Variants in MEF2A observed in about 807,000 individuals in gnomAD.
MEF2A encodes the protein myocyte enhancer factor 2A.
MEF2A carries 28 observed loss-of-function variants against 55.8 expected under a neutral mutation model. That is an observed-to-expected ratio of 0.50 (90% confidence interval 0.37 to 0.69). The LOEUF is 0.69. Among genes scored for constraint, MEF2A ranks in the 30% least tolerant of loss-of-function variants. The pLI is 0.00. For missense variants in MEF2A, 528 were observed against 626.2 expected, an observed-to-expected ratio of 0.84 and a Z score of 1.67; for synonymous variants, 239 against 227.1, an observed-to-expected ratio of 1.05 and a Z score of -0.47.
At chr15:99,655,622 C>A (rs181951564) in intron 4 of MEF2A, among the ~76,000 whole-genome samples, 1 of 151,930 alleles carries the variant, frequency 6.6e-6, no homozygotes, top group Non-Finnish European at 1.5e-5. Context: ...TCACTTATTA[C>A]TCATGATAGG....
intron 3 of MEF2A, among the ~76,000 whole-genome samples, chr15:99,643,434 CTCATG>C (rs1432128027): frequency 1.3e-5 from 2 of 152,120 alleles, no homozygotes; most frequent in African/African-American, 2.4e-5. Context: ...TAGGCATATA[CTCATG>C]TCATAAGTGA....
At chr15:99,649,895 T>C (rs564055637) in intron 4 of MEF2A, among the ~76,000 whole-genome samples, 2 of 152,330 alleles carry the variant, frequency 1.3e-5, no homozygotes, top group Admixed American at 6.5e-5. Flanking sequence ...TTCCTGTCAT[T>C]TGGCAGAAAT....
In MEF2A at chr15:99,598,480, T is replaced by C. The variant is rs934537829; in HGVS notation, c.-174T>C. 6.6e-6 allele frequency: 1 copy of C among 152,210 alleles called. No individual in the cohort carries two copies. Among genetic ancestry groups the C allele is most frequent in the African/African-American group, 2.4e-5 (1 of 41,464 alleles). 9.4% of individuals were successfully genotyped at this position (152,210 alleles called of 1,614,324 possible). The stretch of plus-strand genomic sequence containing the variant: ...AAGAATTTTCTGCAAGGATCATATC[T>C]AAGTGCACTTTTTGCTGATACTTCA... On this transcript the variant is annotated 5_prime_UTR_variant, in exon 2 of 12. Coordinates refer to ENST00000557942, the MANE Select transcript of MEF2A (RefSeq NM_001319206.4).
intron 8 of MEF2A, 55 bp downstream of exon 8, chr15:99,690,483 T>A (rs2055178566): frequency 2.1e-6 from 3 of 1,449,010 alleles, no homozygotes; most frequent in Non-Finnish European, 9.4e-7. Flanking sequence ...TTATACATAG[T>A]CAATCTGTAG....
At chr15:99,685,787 C>T (rs1285301158) in intron 7 of MEF2A, among the ~76,000 whole-genome samples, 1 of 152,020 alleles carries the variant, frequency 6.6e-6, no homozygotes, top group East Asian at 1.9e-4. Flanking sequence ...TTGTTATATC[C>T]TTTCCTGGTT....
intron 1 of MEF2A, among the ~76,000 whole-genome samples, chr15:99,583,462 T>A (rs897695945): frequency 2.0e-5 from 3 of 152,158 alleles, no homozygotes; most frequent in African/African-American, 7.2e-5. Flanking sequence ...TACAAAAGAT[T>A]ACATTTTAAA....
chr15:99,597,260 T>A (rs531451582), intron 1 of MEF2A, among the ~76,000 whole-genome samples: 1 of 152,256 alleles, frequency 6.6e-6, no homozygotes, highest in African/African-American at 2.4e-5. Flanking sequence ...AGAAAGAGAA[T>A]GCGCACCTGG....
rs999927943 is a variant in MEF2A at position 99,675,424 on chromosome 15, C to G, written c.636C>G (p.Leu212=). The G allele has an allele frequency of 3.7e-6, 6 of 1,613,944 alleles. No individual in the cohort carries two copies. The highest frequency in any genetic ancestry group is 5.1e-6 in the Non-Finnish European group (6 of 1,179,824). ...NAGGMLSTTD[L]TVPNGAGSSP... is the part of the protein sequence containing the mutation. ...GTGGGATGTTGAGCACTACAGACCT[C>G]ACAGTGCCAAATGGAGCTGGAAGCA... is the stretch of plus-strand genomic sequence containing the variant. Residue 212 remains leucine (L), a synonymous_variant, in exon 7 of 12, where the codon CTC becomes CTG. Transcript: ENST00000557942.
At chr15:99,697,601 A>G (rs572881725) in intron 8 of MEF2A, among the ~76,000 whole-genome samples, 34 of 152,316 alleles carry the variant, frequency 2.2e-4, no homozygotes, top group African/African-American at 7.5e-4. Flanking sequence ...ATGAATAGAT[A>G]GATACATCAT....
chr15:99,578,488 G>T (rs1406089250), intron 1 of MEF2A, among the ~76,000 whole-genome samples: 1 of 152,144 alleles, frequency 6.6e-6, no homozygotes, highest in Non-Finnish European at 1.5e-5. Context: ...CATTTTACCA[G>T]CTCCAACCCT....
chr15:99,623,524 C>T (rs182584910), intron 2 of MEF2A, among the ~76,000 whole-genome samples: 4 of 152,302 alleles, frequency 2.6e-5, no homozygotes, highest in Admixed American at 2.0e-4. Flanking sequence ...AAGAACAGTG[C>T]ACAAGTGTTC....
chr15:99,609,105 A>G (rs1306005996), intron 2 of MEF2A, among the ~76,000 whole-genome samples: 1 of 152,218 alleles, frequency 6.6e-6, no homozygotes, highest in Admixed American at 6.5e-5. Context: ...GGTGCTAGAC[A>G]GTGGAAGACA....
intron 2 of MEF2A, among the ~76,000 whole-genome samples, chr15:99,613,114 T>C (rs940444840): frequency 6.6e-6 from 1 of 152,210 alleles, no homozygotes; most frequent in African/African-American, 2.4e-5. Context: ...ATAAAGAGTG[T>C]AATATTGTAA....
rs546068807 is a variant in MEF2A, at chr15:99,685,096, C to T, written c.671-5145C>T. ...ACCTTGCTTTTCTGGTAACTATAGT[C>T]TTGTAGTATAGTTTGAAATGGAAAT... On this transcript the variant is annotated intron_variant, in intron 7 of 11. Coordinates refer to ENST00000557942, the MANE Select transcript of MEF2A (RefSeq NM_001319206.4). Among the ~76,000 whole-genome samples the T allele has an allele frequency of 1.2e-4, 19 of 152,214 alleles. 1 individual carries two copies. In the South Asian group the frequency reaches 2.1e-3, roughly 17 times the overall value.
intron 7 of MEF2A, among the ~76,000 whole-genome samples, chr15:99,676,582 T>A (rs932107598): frequency 2.0e-5 from 3 of 152,102 alleles, no homozygotes; most frequent in Admixed American, 2.0e-4. Flanking sequence ...TTTTGTTTTT[T>A]TTTTTTTGAG....
chr15:99,703,052 G>C (rs935398557), intron 8 of MEF2A, among the ~76,000 whole-genome samples: 1 of 152,170 alleles, frequency 6.6e-6, no homozygotes, highest in East Asian at 1.9e-4. Flanking sequence ...GCATGATGAG[G>C]AACCCCTTTT....
rs140916180 is a variant in MEF2A at position 99,614,380 on chromosome 15, C to T, written c.-143+15869C>T. 5.2e-3 allele frequency among the ~76,000 whole-genome samples: 790 copies of T among 152,204 alleles called. 2 individuals are homozygous for T. The highest frequency in any genetic ancestry group is 8.5e-3 in the Non-Finnish European group (577 of 68,002). On this transcript the variant is annotated intron_variant, in intron 2 of 11. Transcript: ENST00000557942. ...CTGGGATCACAGGCGTGAGTCACCG[C>T]GCCAAGCCCAACAATAACTTATAAC...
intron 2 of MEF2A, among the ~76,000 whole-genome samples, chr15:99,600,430 G>T (rs779659209): frequency 2.4e-4 from 37 of 152,138 alleles, no homozygotes; most frequent in Non-Finnish European, 5.0e-4. Flanking sequence ...GCGAAGCTCA[G>T]ATTAGAGATT....
intron 7 of MEF2A, among the ~76,000 whole-genome samples, chr15:99,680,045 A>G (rs1451656352): frequency 6.6e-6 from 1 of 152,216 alleles, no homozygotes; most frequent in Non-Finnish European, 1.5e-5. Context: ...TCAGTTTAAG[A>G]TGACAGGTCA....
Sources: gnomAD v4.1 joint callset for allele counts (sites outside exome capture counted in the v4.1 genomes callset) on GRCh38, gnomAD v4.1.1 for gene constraint, MANE v1.5 for transcripts, NCBI Gene and HGNC (gene_info 2026-07-23, HGNC 2026-07-21) for gene names.